SLC45A2: variants seen among roughly 807,000 people sequenced by gnomAD.
SLC45A2 encodes membrane-associated transporter protein.
Under a neutral mutation model 45.5 loss-of-function variants are expected in SLC45A2, and 36 were observed. That is an observed-to-expected ratio of 0.79 (90% CI 0.61 to 1.04). SLC45A2 has a LOEUF of 1.04. Among genes scored for constraint, SLC45A2 ranks in the 50% least tolerant of loss-of-function variants. The probability of loss-of-function intolerance (pLI) is 0.00; values close to 1 mark genes in which losing one functional copy is unlikely to be tolerated. For missense variants in SLC45A2, 719 were observed against 671.0 expected (o/e 1.07, Z -0.79); for synonymous variants, 306 against 269.3 (o/e 1.14, Z -1.33).
chr5:33,954,493 TG>T lies in SLC45A2; in HGVS notation c.899del (p.Ala300GlufsTer2). 6.2e-7 allele frequency: 1 copy of T among 1,613,920 alleles called. No individual in the cohort carries two copies. Among genetic ancestry groups the T allele is most frequent in the Non-Finnish European group, 8.5e-7 (1 of 1,179,972 alleles). ...CTCTCAGCAGTGACTTTAATGTCAT[TG>T]CCCTGCGAGTCTGAAATAAAACATG... ...NKNHAEQTRR[A>X]MTLKSLLRAL... On this transcript the variant is annotated frameshift_variant, in exon 4 of 7. Transcript: ENST00000296589. LOFTEE classifies it high-confidence loss of function.
chr5:33,975,599 T>C (rs975939198), intron 2 of SLC45A2, among the ~76,000 whole-genome samples: 4 of 152,244 alleles, frequency 2.6e-5, no homozygotes, highest in Non-Finnish European at 4.4e-5. Context: ...ATTATTCTTA[T>C]TAAGCTAACA....
intron 2 of SLC45A2, among the ~76,000 whole-genome samples, chr5:33,979,043 A>C (rs1753003435): frequency 2.0e-5 from 3 of 152,260 alleles, no homozygotes; most frequent in Non-Finnish European, 4.4e-5. Flanking sequence ...CAATGAAAAG[A>C]GTCAAACTCT....
chr5:33,982,465 G>A (rs1009058929), intron 1 of SLC45A2, 53 bp from the exon 2 acceptor site: 25 of 1,562,292 alleles, frequency 1.6e-5, no homozygotes, highest in South Asian at 4.5e-5. Context: ...AATCATCCGC[G>A]TTTTGTAATT....
intron 2 of SLC45A2, among the ~76,000 whole-genome samples, chr5:33,966,354 GAC>G (rs1752601305): frequency 2.0e-5 from 3 of 149,880 alleles, no homozygotes; most frequent in South Asian, 4.3e-4. Flanking sequence ...ACATAAAAAA[GAC>G]ACAGTTTCCC....
chr5:33,983,807 T>C (rs1237367864), intron 1 of SLC45A2, among the ~76,000 whole-genome samples: 4 of 152,352 alleles, frequency 2.6e-5, no homozygotes, highest in Admixed American at 6.5e-5. Context: ...AGGTGACTTA[T>C]TGTAAATATT....
chr5:33,961,334 G>T (rs895054541), intron 3 of SLC45A2, among the ~76,000 whole-genome samples: 3 of 152,094 alleles, frequency 2.0e-5, no homozygotes, highest in African/African-American at 7.2e-5. Context: ...TAAAATTTTA[G>T]TTCCTATGCT....
chr5:33,984,225 T>TAC lies in SLC45A2; in HGVS notation c.357_358dup (p.Tyr120CysfsTer9). On this transcript the variant is annotated frameshift_variant, in exon 1 of 7. Transcript: ENST00000296589. LOFTEE classifies it high-confidence loss of function. ...TGCTACAACAGTAGCCCCATTGAGG[T>TAC]ACAGAGCCATGCCCACGAGCATCAT... The TAC allele has an allele frequency of 6.2e-7, 1 of 1,614,070 alleles. No individual in the cohort carries two copies.
rs1315864445 is a variant in SLC45A2, at chr5:33,951,568, G to A, written c.1142C>T (p.Ser381Phe). Residue 381 changes from serine to phenylalanine, a missense_variant, in exon 5 of 7, where the codon TCC becomes TTC. Coordinates refer to ENST00000296589, the MANE Select transcript of SLC45A2 (RefSeq NM_016180.5). ...GAAAGACTTACAAGAATAAAGTGAG[G>A]AAAACACGGAGTTGATGCACAAGCC... The part of the protein sequence containing the change: ...CWGLCINSVF[S>F]SLYSYFQKVL... 5 of 1,613,978 alleles carry A rather than the reference G, an allele frequency of 3.1e-6. No homozygotes were observed. The African/African-American group carries it at 6.7e-5, about 22-fold the overall frequency.
chr5:33,947,236 C>T lies in SLC45A2; in HGVS notation c.1295G>A (p.Gly432Asp), dbSNP rs1211363704. ...YSTLVLCSLF[G>D]VMSSTLYTVP... ...AGTGTACAGGGTGCTGGACATTACA[C>T]CAAACAGGCTGCACAGGACCAGGGT... The change falls in exon 6 of 7, where the codon GGT becomes GAT. Residue 432 changes from glycine (G) to aspartate (D), a missense_variant. Coordinates refer to ENST00000296589, the MANE Select transcript of SLC45A2 (RefSeq NM_016180.5). 4 of 1,614,224 alleles carry T rather than the reference C, an allele frequency of 2.5e-6. No individual in the cohort carries two copies. Among genetic ancestry groups the T allele is most frequent in the Non-Finnish European group, 3.4e-6 (4 of 1,180,042 alleles).
At chr5:33,955,601 T>G (rs990971717) in intron 3 of SLC45A2, among the ~76,000 whole-genome samples, 3 of 151,966 alleles carry the variant, frequency 2.0e-5, no homozygotes, top group African/African-American at 7.3e-5. Context: ...TTACATTGAG[T>G]TAGAAGTAAG....
intron 3 of SLC45A2, among the ~76,000 whole-genome samples, chr5:33,957,229 C>T (rs944166101): frequency 2.6e-5 from 4 of 152,148 alleles, no homozygotes; most frequent in Non-Finnish European, 5.9e-5. Context: ...AAACATCAGA[C>T]ACAATTTGGT....
At chr5:33,977,646 C>T (rs1752968063) in intron 2 of SLC45A2, among the ~76,000 whole-genome samples, 1 of 152,118 alleles carries the variant, frequency 6.6e-6, no homozygotes. Flanking sequence ...CTTCATTTGT[C>T]CCATTGGTAT....
chr5:33,969,065 C>CTGTGTG (rs66961145), intron 2 of SLC45A2, among the ~76,000 whole-genome samples: 1,854 of 102,458 alleles, frequency 0.018, 52 homozygotes, highest in African/African-American at 0.058. Flanking sequence ...CTCTCTCTCT[C>CTGTGTG]TGTGTGTGTG....
At chr5:33,958,286 T>C (rs1348775562) in intron 3 of SLC45A2, among the ~76,000 whole-genome samples, 7 of 152,088 alleles carry the variant, frequency 4.6e-5, no homozygotes, top group African/African-American at 1.4e-4. Context: ...AAAGAAAAAT[T>C]TGTTCTTAAA....
At chr5:33,946,466 A>C (rs35407) in intron 6 of SLC45A2, 1 of 985,446 alleles carries the variant, frequency 1.0e-6, no homozygotes, top group Non-Finnish European at 1.2e-6. Context: ...CTATTTTCAC[A>C]GGAAGAAAGT....
chr5:33,954,234 T>A, intron 4 of SLC45A2, 127 bp downstream of exon 4: 1 of 1,361,462 alleles, frequency 7.3e-7, no homozygotes, highest in African/African-American at 1.4e-5. Context: ...TAAGTCAGCT[T>A]CTTGATGGTA....
intron 3 of SLC45A2, among the ~76,000 whole-genome samples, chr5:33,957,862 T>C (rs753061295): frequency 1.3e-5 from 2 of 152,216 alleles, no homozygotes; most frequent in African/African-American, 2.4e-5. Context: ...TAATTTCTCC[T>C]TTCTTCTAAA....
At chr5:33,945,868 T>C in intron 6 of SLC45A2, 1 of 748,302 alleles carries the variant, frequency 1.3e-6, no homozygotes, top group East Asian at 1.3e-4. Context: ...AAAACAGATT[T>C]ACATTTGCTT....
At chr5:33,966,595 C>CG (rs1397491848) in intron 2 of SLC45A2, among the ~76,000 whole-genome samples, 2 of 151,992 alleles carry the variant, frequency 1.3e-5, no homozygotes, top group African/African-American at 4.8e-5. Flanking sequence ...CGCCCGCCAC[C>CG]GGAGAAGCTA....
Sources: gnomAD v4.1 joint callset for allele counts (sites outside exome capture counted in the v4.1 genomes callset) on GRCh38, gnomAD v4.1.1 for gene constraint, MANE v1.5 for transcripts, NCBI Gene and HGNC (gene_info 2026-07-23, HGNC 2026-07-21) for gene names.